The following ERC1 variants were observed in gnomAD, a reference collection of about 807,000 sequenced individuals.
ERC1 encodes the protein ELKS/RAB6-interacting/CAST family member 1.
In ERC1, 56 loss-of-function variants were observed where a neutral mutation model predicts 132.0. The ratio of observed to expected loss-of-function variants is 0.42; its 90% CI spans 0.34 to 0.53. The LOEUF is 0.53. Among genes scored for constraint, ERC1 ranks in the 20% least tolerant of loss-of-function variants. ERC1 has a pLI of 0.03. For synonymous variants in ERC1, 478 were observed against 476.1 expected, an observed-to-expected ratio of 1.00 and a Z score of -0.05; for missense variants, 1,202 against 1,349.9, an observed-to-expected ratio of 0.89 and a Z score of 1.72.
At chr12:1,013,179 A>G (rs1201566674) in intron 1 of ERC1, among the ~76,000 whole-genome samples, 1 of 152,196 alleles carries the variant, frequency 6.6e-6, no homozygotes, top group Non-Finnish European at 1.5e-5. Context: ...TTATGAAATC[A>G]GGTTATCAGT....
intron 14 of ERC1, among the ~76,000 whole-genome samples, chr12:1,275,280 G>A (rs1404750893): frequency 6.6e-6 from 1 of 152,118 alleles, no homozygotes; most frequent in Non-Finnish European, 1.5e-5. Flanking sequence ...CTGAGGTCAG[G>A]AGTTTGAGAC....
At position 1,180,618 on chromosome 12, in the gene ERC1, G is replaced by T. The variant is rs1954337568; in HGVS notation, c.1816G>T (p.Ala606Ser). The T allele has an allele frequency of 6.2e-7, 1 of 1,613,856 alleles. No homozygotes were observed. Among genetic ancestry groups the T allele is most frequent in the Non-Finnish European group, 8.5e-7 (1 of 1,180,012 alleles). Residue 606 changes from alanine (A) to serine (S), a missense_variant, in exon 9 of 19, where the codon GCT becomes TCT. Physicochemically the swap from Ala to Ser is moderately conservative, Grantham distance 99. Coordinates refer to ENST00000360905, the MANE Select transcript of ERC1 (RefSeq NM_178040.4). ...GAAAGAACGGGTCAAATCCTTGCAGGCTGACACCACCAACACTGACACTGC... is the reference window on the plus strand; with the variant it reads ...GAAAGAACGGGTCAAATCCTTGCAGTCTGACACCACCAACACTGACACTGC... Reference protein sequence around the residue: ...SLKERVKSLQADTTNTDTALT... With the variant: ...SLKERVKSLQSDTTNTDTALT...
At chr12:1,157,003 TGGG>T (rs1219409227) in intron 8 of ERC1, among the ~76,000 whole-genome samples, 1 of 152,220 alleles carries the variant, frequency 6.6e-6, no homozygotes, top group Admixed American at 6.5e-5. Flanking sequence ...TGTATTTATT[TGGG>T]GGTTTATGTC....
chr12:1,197,258 G>A (rs1956423173), intron 12 of ERC1, among the ~76,000 whole-genome samples: 1 of 152,112 alleles, frequency 6.6e-6, no homozygotes, highest in African/African-American at 2.4e-5. Context: ...TGGGGTTACA[G>A]GGATGAACCA....
At chr12:1,165,426 C>T (rs1952310067) in intron 8 of ERC1, among the ~76,000 whole-genome samples, 1 of 152,052 alleles carries the variant, frequency 6.6e-6, no homozygotes, top group African/African-American at 2.4e-5. Context: ...CTGCCTCAGC[C>T]TCCCGAGTAG....
rs558679605 is a variant in ERC1, at chr12:1,370,773, G to A, written c.2781-1060G>A. Among the ~76,000 whole-genome samples, 40 of 152,166 alleles carry A rather than the reference G, an allele frequency of 2.6e-4. No individual in the cohort carries two copies. The South Asian group carries it at 6.4e-3, about 25-fold the overall frequency. ...GTCTCACTTTGTCACCCATGCTGGA[G>A]TGCAGTGGCACCATCTCAGCTCACT... On this transcript the variant is annotated intron_variant, in intron 15 of 18. Coordinates refer to ENST00000360905, the MANE Select transcript of ERC1 (RefSeq NM_178040.4).
At chr12:1,459,352 G>C (rs1430030150) in intron 18 of ERC1, among the ~76,000 whole-genome samples, 4 of 152,082 alleles carry the variant, frequency 2.6e-5, no homozygotes, top group Non-Finnish European at 4.4e-5. Flanking sequence ...CTTACAATTA[G>C]ACTTTTTATG....
intron 1 of ERC1, among the ~76,000 whole-genome samples, chr12:1,005,954 C>T: frequency 1.3e-5 from 2 of 148,228 alleles, no homozygotes; most frequent in Admixed American, 6.7e-5. Flanking sequence ...TATTAAAATT[C>T]TTATTACTTT....
intron 2 of ERC1, among the ~76,000 whole-genome samples, chr12:1,051,109 A>G (rs934442968): frequency 6.6e-6 from 1 of 152,200 alleles, no homozygotes; most frequent in Non-Finnish European, 1.5e-5. Context: ...ACTTGGAGAA[A>G]TATTGAACTA....
intron 17 of ERC1, among the ~76,000 whole-genome samples, chr12:1,438,954 A>AAAATATATATAT (rs1015181197): frequency 4.2e-5 from 6 of 143,492 alleles, no homozygotes; most frequent in African/African-American, 7.9e-5. Context: ...TTTAAAAAAA[A>AAAATATATATAT]ATATATATAT....
At chr12:1,205,379 GTATA>G (rs1021022984) in intron 12 of ERC1, among the ~76,000 whole-genome samples, 2 of 145,866 alleles carry the variant, frequency 1.4e-5, no homozygotes. Context: ...GTGTGTGTGT[GTATA>G]TATATATATA....
intron 1 of ERC1, among the ~76,000 whole-genome samples, chr12:1,021,904 A>G (rs1966441831): frequency 6.6e-6 from 1 of 152,176 alleles, no homozygotes. Flanking sequence ...AGACTCATGT[A>G]TTCTGTCAGT....
intron 17 of ERC1, among the ~76,000 whole-genome samples, chr12:1,437,006 T>G (rs2092969114): frequency 6.6e-6 from 1 of 152,094 alleles, no homozygotes. Flanking sequence ...ACTTAACTCT[T>G]CCATTTTTCA....
At chr12:1,093,384 G>C (rs754692632) in intron 3 of ERC1, among the ~76,000 whole-genome samples, 2 of 152,184 alleles carry the variant, frequency 1.3e-5, no homozygotes, top group Non-Finnish European at 2.9e-5. Flanking sequence ...TTACAGGCAA[G>C]ACTTGGTTAG....
chr12:1,394,031 AAACAAAAAAAAAACC>A (rs1485723205), intron 16 of ERC1, among the ~76,000 whole-genome samples: 13 of 115,046 alleles, frequency 1.1e-4, no homozygotes, highest in African/African-American at 4.5e-4. Context: ...AAAAAAAAAA[AAACAAAAAAAAAACC>A]ACAAAGCATT....
At chr12:1,419,750 G>A (rs2092347880) in intron 17 of ERC1, among the ~76,000 whole-genome samples, 1 of 151,382 alleles carries the variant, frequency 6.6e-6, no homozygotes, top group African/African-American at 2.4e-5. Context: ...AAAGTATTTA[G>A]CACTCCTAAA....
chr12:1,064,944 A>G (rs773822231), intron 2 of ERC1, among the ~76,000 whole-genome samples: 1 of 152,082 alleles, frequency 6.6e-6, no homozygotes. Flanking sequence ...CCCATATGCC[A>G]TGTGGGCTTT....
At chr12:1,105,357 T>C (rs1172919439) in intron 4 of ERC1, among the ~76,000 whole-genome samples, 1 of 152,076 alleles carries the variant, frequency 6.6e-6, no homozygotes, top group Non-Finnish European at 1.5e-5. Context: ...TTTTTTATTA[T>C]TTTTTATTTT....
At chr12:1,096,032 C>T (rs912073377) in intron 3 of ERC1, among the ~76,000 whole-genome samples, 3 of 151,432 alleles carry the variant, frequency 2.0e-5, no homozygotes, top group African/African-American at 7.3e-5. Context: ...CTCAAGCAGT[C>T]CTCCTGCCTC....
Sources: allele counts gnomAD v4.1 joint callset (sites outside exome capture counted in the v4.1 genomes callset), GRCh38; gene constraint gnomAD v4.1.1; transcripts MANE v1.5; gene names NCBI Gene and HGNC (gene_info 2026-07-23, HGNC 2026-07-21).